The following STXBP4 variants were observed in gnomAD, a reference collection of about 807,000 sequenced individuals.
The protein encoded by STXBP4 is syntaxin-binding protein 4.
STXBP4 carries 55 observed loss-of-function variants against 76.1 expected under a neutral mutation model. The observed-to-expected ratio is 0.72, with a 90% confidence interval of 0.58 to 0.91. The LOEUF is 0.91. Among genes scored for constraint, STXBP4 ranks in the 40% least tolerant of loss-of-function variants. STXBP4 has a pLI of 0.00. For synonymous variants in STXBP4, 201 were observed against 220.2 expected, an observed-to-expected ratio of 0.91 and a Z score of 0.77; for missense variants, 618 against 636.9, an observed-to-expected ratio of 0.97 and a Z score of 0.32.
At position 55,043,227 on chromosome 17, in the gene STXBP4, T is replaced by C. The variant is rs1598257213; in HGVS notation, c.856-9T>C. 2.8e-6 allele frequency: 4 copies of C among 1,446,916 alleles called. No homozygotes were observed. The highest frequency in any genetic ancestry group is 3.7e-6 in the Non-Finnish European group (4 of 1,087,940). 89.6% of individuals were successfully genotyped at this position (1,446,916 alleles called of 1,614,324 possible). A position where few individuals can be genotyped will look rare whatever the true frequency, so the allele number is the denominator to read the frequency against. On this transcript the variant is annotated splice_polypyrimidine_tract_variant and intron_variant, in intron 10 of 17. Coordinates refer to ENST00000376352, the MANE Select transcript of STXBP4 (RefSeq NM_178509.6). ...GCACAACTTTTCTCTTATATTTTAA[T>C]GTTGATAGCTTCTTCCTTGTGATTC... is the stretch of plus-strand genomic sequence containing the variant.
At chr17:55,015,218 T>C (rs1297033640) in intron 8 of STXBP4, among the ~76,000 whole-genome samples, 1 of 152,200 alleles carries the variant, frequency 6.6e-6, no homozygotes, top group Admixed American at 6.5e-5. Context: ...GAATAATTCA[T>C]AGGCTTCTTC....
At chr17:55,175,788 G>A (rs1198627395), downstream of STXBP4, among the ~76,000 whole-genome samples, 2 of 152,186 alleles carry the variant, frequency 1.3e-5, no homozygotes, top group African/African-American at 2.4e-5. Flanking sequence ...AAAGCAAGAA[G>A]GATAGAAAGA....
At chr17:54,982,694 T>C (rs1360530346) in intron 1 of STXBP4, among the ~76,000 whole-genome samples, 3 of 151,870 alleles carry the variant, frequency 2.0e-5, no homozygotes, top group Non-Finnish European at 4.4e-5. Context: ...CAAGTTTGTA[T>C]AAAGAGAGAG....
intron 8 of STXBP4, among the ~76,000 whole-genome samples, chr17:55,030,650 G>T (rs1054713189): frequency 3.9e-5 from 6 of 152,182 alleles, no homozygotes; most frequent in Non-Finnish European, 5.9e-5. Flanking sequence ...TCCCTTAAGG[G>T]GAAGAGCCTG....
At chr17:54,998,080 G>A (rs1480875825) in intron 4 of STXBP4, among the ~76,000 whole-genome samples, 1 of 151,994 alleles carries the variant, frequency 6.6e-6, no homozygotes, top group Non-Finnish European at 1.5e-5. Flanking sequence ...TCTTTAGTCA[G>A]TGAAAGAGAT....
intron 16 of STXBP4, among the ~76,000 whole-genome samples, chr17:55,111,684 C>G (rs772586980): frequency 6.6e-6 from 1 of 152,186 alleles, no homozygotes; most frequent in Non-Finnish European, 1.5e-5. Flanking sequence ...TAAAAGCTCC[C>G]TGAGGCCTCC....
the STXBP4 span, among the ~76,000 whole-genome samples, chr17:55,197,603 C>T: frequency 4.6e-5 from 7 of 152,056 alleles, no homozygotes; most frequent in Admixed American, 1.3e-4. Flanking sequence ...ATCAGCCAGG[C>T]GTGGTGGCAT....
chr17:55,122,826 A>C (rs1293119694), intron 16 of STXBP4, among the ~76,000 whole-genome samples: 1 of 152,218 alleles, frequency 6.6e-6, no homozygotes, highest in Non-Finnish European at 1.5e-5. Context: ...GAAACTTTTA[A>C]GTGCTTTTGA....
intron 8 of STXBP4, 26 bp from the exon 9 acceptor site, chr17:55,031,142 C>T: frequency 1.3e-6 from 2 of 1,570,702 alleles, no homozygotes; most frequent in Non-Finnish European, 1.7e-6. Context: ...TGAAAAATTG[C>T]TTTTCATGAG....
intron 16 of STXBP4, among the ~76,000 whole-genome samples, chr17:55,108,153 A>C (rs2079659041): frequency 6.6e-6 from 1 of 152,178 alleles, no homozygotes. Flanking sequence ...GTCTGGCTAC[A>C]GTGGCTTTGC....
intron 15 of STXBP4, among the ~76,000 whole-genome samples, chr17:55,080,033 C>T (rs2541235): frequency 0.52 from 78,642 of 151,920 alleles, 20,551 homozygotes; most frequent in South Asian, 0.64. Flanking sequence ...TCAGTAATCA[C>T]ATTTATTTCT....
chr17:55,210,007 C>T, the STXBP4 span, among the ~76,000 whole-genome samples: 2 of 152,164 alleles, frequency 1.3e-5, no homozygotes, highest in South Asian at 4.1e-4. Context: ...CATGCGTGTG[C>T]ACACACATGT....
the STXBP4 span, among the ~76,000 whole-genome samples, chr17:55,201,834 G>A: frequency 3.9e-5 from 6 of 152,236 alleles, no homozygotes; most frequent in East Asian, 9.6e-4. Flanking sequence ...GGCTGAGCAT[G>A]CATGAACACA....
At chr17:55,152,241 G>A (rs2080224781) in intron 17 of STXBP4, among the ~76,000 whole-genome samples, 1 of 151,934 alleles carries the variant, frequency 6.6e-6, no homozygotes, top group South Asian at 2.1e-4. Flanking sequence ...CTGACACTGG[G>A]GCTATAAAGA....
intron 8 of STXBP4, among the ~76,000 whole-genome samples, chr17:55,027,917 T>G (rs2078443940): frequency 6.6e-6 from 1 of 152,146 alleles, no homozygotes. Flanking sequence ...AAACTCATGT[T>G]TTTTTACATA....
intron 3 of STXBP4, among the ~76,000 whole-genome samples, chr17:54,988,745 G>T (rs1598161845): frequency 6.6e-6 from 1 of 152,114 alleles, no homozygotes; most frequent in Non-Finnish European, 1.5e-5. Flanking sequence ...CTGCACTCCA[G>T]CCAGGACAGA....
At chr17:55,104,365 CTCTA>C (rs1487334591) in intron 16 of STXBP4, among the ~76,000 whole-genome samples, 3 of 152,122 alleles carry the variant, frequency 2.0e-5, no homozygotes, top group Non-Finnish European at 4.4e-5. Flanking sequence ...AAGGCCTTTT[CTCTA>C]TCTATGGAGA....
the STXBP4 span, among the ~76,000 whole-genome samples, chr17:55,208,223 T>C: frequency 2.0e-5 from 3 of 151,960 alleles, no homozygotes; most frequent in Non-Finnish European, 4.4e-5. Flanking sequence ...CAGAAATCCA[T>C]GGCAATTTAA....
intron 10 of STXBP4, among the ~76,000 whole-genome samples, chr17:55,035,041 T>C (rs942282129): frequency 2.0e-5 from 3 of 151,994 alleles, no homozygotes; most frequent in Admixed American, 1.3e-4. Context: ...AAACCACCTG[T>C]TTTTGTTCCA....
Sources: gnomAD v4.1 joint callset for allele counts (sites outside exome capture counted in the v4.1 genomes callset) on GRCh38, gnomAD v4.1.1 for gene constraint, MANE v1.5 for transcripts, NCBI Gene and HGNC (gene_info 2026-07-23, HGNC 2026-07-21) for gene names.